The following ZNF407 variants were observed in gnomAD, a reference collection of about 807,000 sequenced individuals.
ZNF407 encodes zinc finger protein 407.
In ZNF407, 17 loss-of-function variants were observed where a neutral mutation model predicts 131.2. The observed-to-expected ratio is 0.13, with a 90% confidence interval of 0.09 to 0.19. ZNF407 has a LOEUF of 0.19. ZNF407 is among the 10% of genes least tolerant of loss of function. The pLI is 1.00. For missense variants in ZNF407, 2,681 were observed against 2,830.6 expected, an observed-to-expected ratio of 0.95 and a Z score of 1.20; for synonymous variants, 1,156 against 1,062.0, an observed-to-expected ratio of 1.09 and a Z score of -1.72.
chr18:74,602,210 G>T (rs1446545015), intron 1 of ZNF407, among the ~76,000 whole-genome samples: 1 of 152,184 alleles, frequency 6.6e-6, no homozygotes, highest in Non-Finnish European at 1.5e-5. Context: ...GGCGGTGTAG[G>T]AGTGTAAAGG....
At chr18:74,886,743 G>A (rs1212520865) in intron 6 of ZNF407, among the ~76,000 whole-genome samples, 1 of 152,182 alleles carries the variant, frequency 6.6e-6, no homozygotes, top group Non-Finnish European at 1.5e-5. Context: ...ACAAAGGGAT[G>A]AACAGGGAAC....
At chr18:74,751,787 T>TTAG in intron 3 of ZNF407, among the ~76,000 whole-genome samples, 1 of 152,324 alleles carries the variant, frequency 6.6e-6, no homozygotes, top group East Asian at 1.9e-4. Flanking sequence ...GACATCTGGG[T>TTAG]TAGTACCAAG....
Position 74,676,681 on chromosome 18 carries a change from G to GT in ZNF407, c.4802+35559_4802+35560insT, listed in dbSNP as rs1568161660. On this transcript the variant is annotated intron_variant, in intron 3 of 8. Coordinates refer to ENST00000299687, the MANE Select transcript of ZNF407 (RefSeq NM_017757.3). Reference sequence around the variant, plus strand: ...GATCTCCTGACCTCGTGATCTGCCCGCCTTGGCCTCCCAGAATGCTGGGAT... The same window carrying GT: ...GATCTCCTGACCTCGTGATCTGCCCGTCCTTGGCCTCCCAGAATGCTGGGAT... 6.9e-3 allele frequency among the ~76,000 whole-genome samples: 1,054 copies of GT among 152,144 alleles called. 13 individuals are homozygous for GT. Among genetic ancestry groups the GT allele is most frequent in the African/African-American group, 0.025 (1,018 of 41,506 alleles).
At chr18:74,753,858 A>T in intron 3 of ZNF407, among the ~76,000 whole-genome samples, 1 of 152,232 alleles carries the variant, frequency 6.6e-6, no homozygotes, top group East Asian at 1.9e-4. Context: ...TATCAGGATG[A>T]TGCTGGCCTC....
intron 3 of ZNF407, among the ~76,000 whole-genome samples, chr18:74,707,555 G>A (rs1218088162): frequency 6.6e-6 from 1 of 152,146 alleles, no homozygotes; most frequent in Non-Finnish European, 1.5e-5. Flanking sequence ...TGCTCCAAAA[G>A]TTTCGGATTT....
rs923253377 is a variant in ZNF407 at position 74,710,226 on chromosome 18, A to G, written c.4802+69104A>G. Among the ~76,000 whole-genome samples, 5 of 152,218 alleles carry G rather than the reference A, an allele frequency of 3.3e-5. No homozygotes were observed. The East Asian group carries it at 9.6e-4, about 29-fold the overall frequency. On this transcript the variant is annotated intron_variant, in intron 3 of 8. Coordinates refer to ENST00000299687, the MANE Select transcript of ZNF407 (RefSeq NM_017757.3). ...ATTTAATTGATTTGACTAATCCTGC[A>G]GGGTTTATACAGATTAATAGAAATT...
At chr18:74,601,329 C>CTGTGTGTG (rs60358173) in intron 1 of ZNF407, among the ~76,000 whole-genome samples, 3,223 of 144,838 alleles carry the variant, frequency 0.022, 28 homozygotes, top group South Asian at 0.03. Flanking sequence ...GTGTGTATGT[C>CTGTGTGTG]TGTGTGTGTG....
chr18:74,701,647 C>T (rs1967498735), intron 3 of ZNF407, among the ~76,000 whole-genome samples: 1 of 152,130 alleles, frequency 6.6e-6, no homozygotes, highest in African/African-American at 2.4e-5. Flanking sequence ...ACAGTTTTGA[C>T]ATTGGTTGTA....
chr18:74,656,214 G>T (rs754054741), intron 3 of ZNF407, among the ~76,000 whole-genome samples: 2 of 151,930 alleles, frequency 1.3e-5, no homozygotes, highest in African/African-American at 4.8e-5. Flanking sequence ...TGAATCAAAG[G>T]ACTTACAATT....
chr18:74,720,731 G>A (rs1599097709), intron 3 of ZNF407, among the ~76,000 whole-genome samples: 1 of 151,988 alleles, frequency 6.6e-6, no homozygotes, highest in Non-Finnish European at 1.5e-5. Context: ...TATCAGATAT[G>A]CAGTTTTGCC....
intron 8 of ZNF407, among the ~76,000 whole-genome samples, chr18:75,058,905 T>C (rs931892999): frequency 1.3e-5 from 2 of 152,192 alleles, no homozygotes; most frequent in Non-Finnish European, 2.9e-5. Context: ...CTTCAGTGGG[T>C]GAATCTTTTT....
Position 74,829,535 on chromosome 18 carries a change from TG to T in ZNF407, c.4878-47659del, listed in dbSNP as rs369206068. On this transcript the variant is annotated intron_variant, in intron 4 of 8. Transcript: ENST00000299687. ...GTTCAGCATTTCTGTAGGTCTAATT[TG>T]GGTGAGTGAAGGGGAACAGAGATTT... 2.8e-4 allele frequency among the ~76,000 whole-genome samples: 43 copies of T among 152,270 alleles called. No homozygotes were observed. The South Asian group carries it at 8.7e-3, about 31-fold the overall frequency.
intron 8 of ZNF407, among the ~76,000 whole-genome samples, chr18:75,003,093 C>T (rs888391773): frequency 6.6e-6 from 1 of 152,170 alleles, no homozygotes; most frequent in Non-Finnish European, 1.5e-5. Context: ...AATTAGGCAA[C>T]ATCAACTCAT....
At chr18:75,060,368 C>T (rs1455934728) in intron 8 of ZNF407, 1 of 152,168 alleles carries the variant, frequency 6.6e-6, no homozygotes, top group Non-Finnish European at 1.5e-5. Flanking sequence ...AGGCCTGGCT[C>T]CCCCCTGCGG....
intron 1 of ZNF407, among the ~76,000 whole-genome samples, chr18:74,603,641 G>A (rs1193143562): frequency 2.6e-5 from 4 of 152,200 alleles, no homozygotes; most frequent in African/African-American, 9.7e-5. Flanking sequence ...CACCATTGAC[G>A]CCTGTGAAAC....
chr18:74,854,427 T>G (rs1233254589), intron 4 of ZNF407, among the ~76,000 whole-genome samples: 1 of 152,212 alleles, frequency 6.6e-6, no homozygotes, highest in Non-Finnish European at 1.5e-5. Flanking sequence ...ACTTTTGCTG[T>G]AACAAGTAGT....
In ZNF407 at chr18:74,997,450, C is replaced by T. The variant is rs148041633; in HGVS notation, c.5429-65700C>T. On this transcript the variant is annotated intron_variant, in intron 8 of 8. Transcript: ENST00000299687. ...ACTGCTTGTTCAGGCCCATCGCAGACGTAAAATACAGCCTCTTGAAAAAAT... is the reference window on the plus strand; with the variant it reads ...ACTGCTTGTTCAGGCCCATCGCAGATGTAAAATACAGCCTCTTGAAAAAAT... Among the ~76,000 whole-genome samples the T allele has an allele frequency of 1.6e-3, 242 of 151,994 alleles. 1 individual carries two copies. Among genetic ancestry groups the T allele is most frequent in the African/African-American group, 5.4e-3 (222 of 41,440 alleles).
At chr18:74,841,883 A>T (rs545360956) in intron 4 of ZNF407, among the ~76,000 whole-genome samples, 22 of 152,328 alleles carry the variant, frequency 1.4e-4, no homozygotes, top group African/African-American at 5.1e-4. Flanking sequence ...TGAATCCTTC[A>T]TGTTATCTCC....
chr18:74,946,470 G>A (rs1430635980), intron 8 of ZNF407, among the ~76,000 whole-genome samples: 1 of 152,068 alleles, frequency 6.6e-6, no homozygotes, highest in African/African-American at 2.4e-5. Flanking sequence ...CTTTTAAAAT[G>A]TACTTTATTT....
Sources: allele counts gnomAD v4.1 joint callset (sites outside exome capture counted in the v4.1 genomes callset), GRCh38; gene constraint gnomAD v4.1.1; transcripts MANE v1.5; gene names NCBI Gene and HGNC (gene_info 2026-07-23, HGNC 2026-07-21).